The following PLCB1 variants were observed in gnomAD, a reference collection of about 807,000 sequenced individuals.
PLCB1 encodes the protein 1-phosphatidylinositol 4,5-bisphosphate phosphodiesterase beta-1.
A neutral mutation model predicts 161.8 loss-of-function variants in PLCB1; 46 were observed. The ratio of observed to expected loss-of-function variants is 0.28; its 90% confidence interval spans 0.22 to 0.36. The LOEUF (loss-of-function observed/expected upper bound fraction) is 0.36. Ranked by LOEUF, PLCB1 falls within the 10% of genes least tolerant of loss-of-function variation. The pLI, the probability that PLCB1 is intolerant of heterozygous loss-of-function variation, is 1.00. For missense variants in PLCB1, 1,016 were observed against 1,472.5 expected (o/e 0.69, Z 5.07); for synonymous variants, 517 against 503.7 (o/e 1.03, Z -0.35).
chr20:8,828,497 A>G (rs140142966), intron 31 of PLCB1, among the ~76,000 whole-genome samples: 1 of 152,302 alleles, frequency 6.6e-6, no homozygotes, highest in Non-Finnish European at 1.5e-5. Flanking sequence ...AGCTGCTCTC[A>G]TTACAACCAT....
At chr20:8,376,558 A>C (rs1987088100) in intron 3 of PLCB1, among the ~76,000 whole-genome samples, 1 of 152,214 alleles carries the variant, frequency 6.6e-6, no homozygotes, top group Non-Finnish European at 1.5e-5. Flanking sequence ...GAACAAAAAG[A>C]CAAACAGCTA....
At chr20:8,361,294 C>A (rs1986533898) in intron 2 of PLCB1, among the ~76,000 whole-genome samples, 1 of 152,086 alleles carries the variant, frequency 6.6e-6, no homozygotes, top group Admixed American at 6.6e-5. Context: ...TCTTAGAATT[C>A]TGATGCAGCT....
chr20:8,248,445 A>C (rs73084337), intron 2 of PLCB1, among the ~76,000 whole-genome samples: 7 of 151,946 alleles, frequency 4.6e-5, no homozygotes, highest in African/African-American at 1.7e-4. Context: ...AGCCTTCTGA[A>C]GAAGGCTGCA....
intron 10 of PLCB1, among the ~76,000 whole-genome samples, chr20:8,693,362 C>T (rs184696829): frequency 9.4e-4 from 143 of 152,312 alleles, no homozygotes; most frequent in African/African-American, 3.4e-3. Context: ...TTCAAGAAAG[C>T]ACCATGGTTT....
At chr20:8,407,731 C>T (rs1034291022) in intron 3 of PLCB1, among the ~76,000 whole-genome samples, 11 of 152,090 alleles carry the variant, frequency 7.2e-5, no homozygotes, top group Non-Finnish European at 1.2e-4. Context: ...CTCCCTCAGC[C>T]GGTGATCAGG....
chr20:8,583,429 A>AAAAT (rs1986894544), intron 3 of PLCB1, among the ~76,000 whole-genome samples: 1 of 152,270 alleles, frequency 6.6e-6, no homozygotes, highest in Non-Finnish European at 1.5e-5. Context: ...CATAAAATAC[A>AAAAT]AAATAAATAA....
chr20:8,845,007 G>A (rs749135148), intron 31 of PLCB1, among the ~76,000 whole-genome samples: 7 of 152,002 alleles, frequency 4.6e-5, no homozygotes, highest in Non-Finnish European at 7.4e-5. Flanking sequence ...CCAGCTACTC[G>A]GGAGGCTGAG....
At chr20:8,851,227 C>T (rs956099989) in intron 31 of PLCB1, among the ~76,000 whole-genome samples, 9 of 152,196 alleles carry the variant, frequency 5.9e-5, no homozygotes, top group African/African-American at 2.2e-4. Context: ...GTCACCATCA[C>T]TGTTTGTTAC....
At chr20:8,155,308 A>G (rs1444431591) in intron 2 of PLCB1, among the ~76,000 whole-genome samples, 1 of 152,190 alleles carries the variant, frequency 6.6e-6, no homozygotes, top group Non-Finnish European at 1.5e-5. Flanking sequence ...GGCAAGAAAG[A>G]TTGGTTCTAC....
At chr20:8,428,092 A>G (rs536824479) in intron 3 of PLCB1, among the ~76,000 whole-genome samples, 20 of 152,300 alleles carry the variant, frequency 1.3e-4, no homozygotes, top group Admixed American at 9.8e-4. Flanking sequence ...ACAAAGGAAA[A>G]CAGATACAAC....
chr20:8,316,120 A>G (rs1452665370), intron 2 of PLCB1, among the ~76,000 whole-genome samples: 1 of 152,190 alleles, frequency 6.6e-6, no homozygotes, highest in Non-Finnish European at 1.5e-5. Context: ...GGCTCCTTCC[A>G]TGCAAAGACC....
chr20:8,488,877 G>T (rs1600103100), intron 3 of PLCB1, among the ~76,000 whole-genome samples: 1 of 152,144 alleles, frequency 6.6e-6, no homozygotes, highest in African/African-American at 2.4e-5. Flanking sequence ...CTTTATCCTG[G>T]ACAGTGCTGG....
At position 8,570,834 on chromosome 20, in the gene PLCB1, A is replaced by T. The variant is rs185522837; in HGVS notation, c.247-57460A>T. ...TTGTTTTCTTTTGAGTGGTTAGAGG[A>T]GGACTCTTTGAGGAGGAGACATTTA... On this transcript the variant is annotated intron_variant, in intron 3 of 31. Transcript: ENST00000338037. Among the ~76,000 whole-genome samples the T allele has an allele frequency of 7.9e-5, 12 of 152,314 alleles. No homozygotes were observed. The East Asian group carries it at 2.3e-3, about 29-fold the overall frequency.
At chr20:8,432,835 GA>G in intron 3 of PLCB1, among the ~76,000 whole-genome samples, 1 of 152,330 alleles carries the variant, frequency 6.6e-6, no homozygotes, top group Non-Finnish European at 1.5e-5. Flanking sequence ...CAAAGGTGCA[GA>G]AATCCAGCTG....
intron 3 of PLCB1, among the ~76,000 whole-genome samples, chr20:8,602,160 A>G (rs1987606803): frequency 6.6e-6 from 1 of 152,182 alleles, no homozygotes; most frequent in Non-Finnish European, 1.5e-5. Context: ...TAATTTTCCA[A>G]TACCCATAAT....
Position 8,788,663 on chromosome 20 carries a change from T to C in PLCB1, c.3219T>C (p.Asp1073=), listed in dbSNP as rs1336526584. The stretch of plus-strand genomic sequence containing the variant: ...AGAAAGAATTAAAGAAGAAAATGGA[T>C]AAAAAGAGGCAGGAGAAGATAACAG... ...KEKKELKKKM[D]KKRQEKITEA... is the part of the protein sequence containing the mutation. Residue 1073 remains aspartate (D), a synonymous_variant, in exon 29 of 32, where the codon GAT becomes GAC. Transcript: ENST00000338037. 6.2e-7 allele frequency: 1 copy of C among 1,611,102 alleles called. No individual in the cohort carries two copies. The highest frequency in any genetic ancestry group is 1.1e-5 in the South Asian group (1 of 90,258).
intron 3 of PLCB1, among the ~76,000 whole-genome samples, chr20:8,389,326 C>T (rs1987522068): frequency 6.6e-6 from 1 of 152,148 alleles, no homozygotes; most frequent in African/African-American, 2.4e-5. Flanking sequence ...TTTATAATGG[C>T]CAGCATCTGT....
At chr20:8,621,334 G>A (rs1287625937) in intron 3 of PLCB1, among the ~76,000 whole-genome samples, 1 of 152,106 alleles carries the variant, frequency 6.6e-6, no homozygotes, top group Non-Finnish European at 1.5e-5. Context: ...AAAAGACTGG[G>A]GGGATAGTTT....
At chr20:8,705,018 G>A (rs186669698) in intron 11 of PLCB1, among the ~76,000 whole-genome samples, 33 of 123,564 alleles carry the variant, frequency 2.7e-4, no homozygotes, top group Admixed American at 2.1e-3. Context: ...CTTCCAGTGC[G>A]TTGAATGAGG....
Sources: allele counts gnomAD v4.1 joint callset (sites outside exome capture counted in the v4.1 genomes callset), GRCh38; gene constraint gnomAD v4.1.1; transcripts MANE v1.5; gene names NCBI Gene and HGNC (gene_info 2026-07-23, HGNC 2026-07-21).